Variants in RGS17 observed in about 807,000 individuals in gnomAD.
RGS17 encodes regulator of G protein signaling 17, also known as regulator of G-protein signaling 17.
RGS17 carries 12 observed loss-of-function variants against 25.5 expected under a neutral mutation model. That is an observed-to-expected ratio of 0.47 (90% CI 0.30 to 0.76). RGS17 has a LOEUF of 0.76. Ranked by LOEUF, RGS17 falls within the 30% of genes least tolerant of loss-of-function variation. The pLI is 0.07. For synonymous variants in RGS17, 71 were observed against 76.9 expected, an observed-to-expected ratio of 0.92 and a Z score of 0.40; for missense variants, 196 against 242.2, an observed-to-expected ratio of 0.81 and a Z score of 1.27.
chr6:153,019,122 G>A (rs1214040322), intron 4 of RGS17, among the ~76,000 whole-genome samples: 5 of 152,154 alleles, frequency 3.3e-5, no homozygotes, highest in African/African-American at 9.7e-5. Flanking sequence ...CAGATATCAC[G>A]GGTTTTTGGG....
chr6:153,127,352 T>C (rs1777718295), intron 1 of RGS17, among the ~76,000 whole-genome samples: 2 of 152,246 alleles, frequency 1.3e-5, no homozygotes, highest in Admixed American at 6.5e-5. Context: ...AATAAACTTG[T>C]GGTAAACCAT....
At chr6:153,045,863 T>A (rs1044858876) in intron 1 of RGS17, among the ~76,000 whole-genome samples, 1 of 152,172 alleles carries the variant, frequency 6.6e-6, no homozygotes, top group Non-Finnish European at 1.5e-5. Flanking sequence ...CTTTTCCAAT[T>A]TGGATGCCTT....
intron 1 of RGS17, among the ~76,000 whole-genome samples, chr6:153,099,235 T>C (rs1777260674): frequency 6.6e-6 from 1 of 152,224 alleles, no homozygotes. Context: ...CTTTCATGCT[T>C]CACCTTCTCT....
At chr6:153,066,295 A>G (rs6937857) in intron 1 of RGS17, among the ~76,000 whole-genome samples, 58,375 of 152,024 alleles carry the variant, frequency 0.38, 11,904 homozygotes, top group East Asian at 0.62. Flanking sequence ...TGGTGGGAAC[A>G]TAAGATTATA....
At chr6:153,078,480 C>G (rs1177797691) in intron 1 of RGS17, among the ~76,000 whole-genome samples, 1 of 151,850 alleles carries the variant, frequency 6.6e-6, no homozygotes, top group Non-Finnish European at 1.5e-5. Flanking sequence ...TTAGGTCTTG[C>G]ACATTTTTTC....
At chr6:153,051,956 G>T (rs1776466810) in intron 1 of RGS17, among the ~76,000 whole-genome samples, 1 of 152,134 alleles carries the variant, frequency 6.6e-6, no homozygotes, top group African/African-American at 2.4e-5. Flanking sequence ...CAGATTTTTT[G>T]GATTTTACAG....
chr6:153,029,125 A>G (rs995776631), intron 2 of RGS17, among the ~76,000 whole-genome samples: 1 of 152,210 alleles, frequency 6.6e-6, no homozygotes. Flanking sequence ...ATGGACACAC[A>G]TTTGGACTAA....
intron 4 of RGS17, chr6:153,023,423 G>A (rs1409793354): frequency 2.0e-6 from 1 of 498,838 alleles, no homozygotes; most frequent in African/African-American, 1.9e-5. Flanking sequence ...GAAGCCCTCT[G>A]GAGCTCCATC....
At chr6:153,026,419 G>A (rs1383554384) in intron 3 of RGS17, 35 bp downstream of exon 3, 1 of 1,483,180 alleles carries the variant, frequency 6.7e-7, no homozygotes, top group South Asian at 1.2e-5. Context: ...GCATATAAAT[G>A]CAAGAAACAA....
intron 1 of RGS17, among the ~76,000 whole-genome samples, chr6:153,118,070 TA>T (rs375253530): frequency 1.7e-4 from 26 of 152,288 alleles, no homozygotes; most frequent in African/African-American, 6.3e-4. Context: ...GACAGCTTGT[TA>T]GGCAGAGGGA....
At chr6:153,020,111 A>AATATACATATATATATATAT (rs1779227236) in intron 4 of RGS17, among the ~76,000 whole-genome samples, 1 of 58,460 alleles carries the variant, frequency 1.7e-5, no homozygotes, top group Non-Finnish European at 3.0e-5. Flanking sequence ...AAAAAAAAAA[A>AATATACATATATATATATAT]ATATATATAT....
At chr6:153,048,688 T>C (rs1010604205) in intron 1 of RGS17, among the ~76,000 whole-genome samples, 1 of 152,344 alleles carries the variant, frequency 6.6e-6, no homozygotes, top group African/African-American at 2.4e-5. Flanking sequence ...GTTTCACACT[T>C]AGGGTTTCAC....
intron 1 of RGS17, among the ~76,000 whole-genome samples, chr6:153,128,558 A>C (rs1777739820): frequency 6.6e-6 from 1 of 152,208 alleles, no homozygotes; most frequent in African/African-American, 2.4e-5. Context: ...TTTACTCTGC[A>C]AGTCAACCAG....
Position 153,006,304 on chromosome 6 carries a change from A to G in RGS17, c.*5270T>C, listed in dbSNP as rs1421896592. 1 of 152,440 alleles carries G rather than the reference A, an allele frequency of 6.6e-6. No individual in the cohort carries two copies. The highest frequency in any genetic ancestry group is 1.9e-4 in the East Asian group (1 of 5,202). 9.4% of individuals were successfully genotyped at this position (152,440 alleles called of 1,614,324 possible). ...ATTTATATATTTAGCAAGTAATTTG[A>G]TATTATTTCTGTCCTTGGGAATGTT... On this transcript the variant is annotated 3_prime_UTR_variant, in exon 5 of 5. Coordinates refer to ENST00000206262, the MANE Select transcript of RGS17 (RefSeq NM_012419.5).
rs532703621 is a variant in RGS17 at position 153,078,837 on chromosome 6, T to C, written c.-25-34794A>G. On this transcript the variant is annotated intron_variant, in intron 1 of 4. Coordinates refer to ENST00000206262, the MANE Select transcript of RGS17 (RefSeq NM_012419.5). Reference sequence around the variant, plus strand: ...TATAAATGGTATCATTTAGTTCCAATTTCTAGTCATTCATTGCCAGCATAC... The same window carrying C: ...TATAAATGGTATCATTTAGTTCCAACTTCTAGTCATTCATTGCCAGCATAC... 2.2e-3 allele frequency among the ~76,000 whole-genome samples: 342 copies of C among 152,208 alleles called. 2 individuals are homozygous for C. The highest frequency in any genetic ancestry group is 7.6e-3 in the African/African-American group (316 of 41,572).
At chr6:153,049,195 CA>C (rs1360281953) in intron 1 of RGS17, among the ~76,000 whole-genome samples, 1 of 152,030 alleles carries the variant, frequency 6.6e-6, no homozygotes, top group Non-Finnish European at 1.5e-5. Context: ...AGAGGCAGTT[CA>C]AGAGGGATGC....
chr6:153,082,543 A>C (rs189412263), intron 1 of RGS17, among the ~76,000 whole-genome samples: 1 of 152,058 alleles, frequency 6.6e-6, no homozygotes, highest in Admixed American at 6.6e-5. Flanking sequence ...TTACTTTGTA[A>C]TTTTTTTATA....
chr6:153,005,920 A>G lies in RGS17; in HGVS notation c.*5654T>C, dbSNP rs1055208227. ...AATATTGGCTCATTAATGCCCATAG[A>G]TGTATATGGGACCTCTCTATTTGGA... On this transcript the variant is annotated 3_prime_UTR_variant, in exon 5 of 5. Transcript: ENST00000206262. 8 of 152,206 alleles carry G rather than the reference A, an allele frequency of 5.3e-5. No individual in the cohort carries two copies. The highest frequency in any genetic ancestry group is 4.4e-5 in the Non-Finnish European group (3 of 68,040). 9.4% of individuals were successfully genotyped at this position (152,206 alleles called of 1,614,324 possible). A position where few individuals can be genotyped will look rare whatever the true frequency, so the allele number is the denominator to read the frequency against.
chr6:153,054,100 A>ATGTGTGTG (rs1554238287), intron 1 of RGS17, among the ~76,000 whole-genome samples: 1 of 95,340 alleles, frequency 1.0e-5, no homozygotes, highest in African/African-American at 4.4e-5. Context: ...TTTTATATAT[A>ATGTGTGTG]TATATATATA....
Sources: allele counts gnomAD v4.1 joint callset (sites outside exome capture counted in the v4.1 genomes callset), GRCh38; gene constraint gnomAD v4.1.1; transcripts MANE v1.5; gene names NCBI Gene and HGNC (gene_info 2026-07-23, HGNC 2026-07-21).